The following WDR72 variants were observed in gnomAD, a reference collection of about 807,000 sequenced individuals.
WDR72 encodes the protein WD repeat-containing protein 72.
In WDR72, 120 loss-of-function variants were observed where a neutral mutation model predicts 124.2. The ratio of observed to expected loss-of-function variants is 0.97; its 90% CI spans 0.83 to 1.12. The LOEUF (loss-of-function observed/expected upper bound fraction) is 1.12. Ranked by LOEUF, WDR72 falls within the 50% of genes most tolerant of loss-of-function variation. The pLI is 0.00. For synonymous variants in WDR72, 452 were observed against 441.7 expected, an observed-to-expected ratio of 1.02 and a Z score of -0.29; for missense variants, 1,387 against 1,278.8, an observed-to-expected ratio of 1.08 and a Z score of -1.29.
Position 53,701,559 on chromosome 15 carries a change from T to TCTCTCTCA in WDR72, c.1569+574_1569+575insTGAGAGAG, listed in dbSNP as rs369568228. Among the ~76,000 whole-genome samples the TCTCTCTCA allele has an allele frequency of 3.6e-3, 431 of 120,146 alleles. 7 individuals carry two copies. Among genetic ancestry groups the TCTCTCTCA allele is most frequent in the African/African-American group, 0.01 (351 of 34,532 alleles). The allele number at this position is 120,146 out of a possible 152,430, so 78.8% of individuals were successfully genotyped here. A position where few individuals can be genotyped will look rare whatever the true frequency, so the allele number is the denominator to read the frequency against. On this transcript the variant is annotated intron_variant, in intron 12 of 19. Transcript: ENST00000360509. Reference sequence around the variant, plus strand: ...CTGTCTCTCTCTCTCTCTCTCTCTCTCACACACACACACACACACACACAC... The same window carrying TCTCTCTCA: ...CTGTCTCTCTCTCTCTCTCTCTCTCTCTCTCTCACACACACACACACACACACACACAC...
intron 14 of WDR72, among the ~76,000 whole-genome samples, chr15:53,643,407 AT>A (rs969903302): frequency 1.5e-4 from 22 of 151,658 alleles, no homozygotes; most frequent in Admixed American, 7.2e-4. Flanking sequence ...CGCTATGAGG[AT>A]TTTTTTTTCT....
intron 1 of WDR72, 145 bp downstream of exon 1, chr15:53,759,488 C>A: frequency 6.6e-6 from 1 of 152,402 alleles, no homozygotes; most frequent in East Asian, 1.9e-4. Context: ...CTTTCCCGGC[C>A]CAGCTGTATC....
chr15:53,577,475 TA>T (rs912246321), intron 18 of WDR72, among the ~76,000 whole-genome samples: 5 of 151,948 alleles, frequency 3.3e-5, no homozygotes, highest in Admixed American at 2.6e-4. Flanking sequence ...AAGGCTAATA[TA>T]AAAAAAACTG....
At chr15:53,733,387 T>G (rs1038071523) in intron 1 of WDR72, among the ~76,000 whole-genome samples, 7 of 152,174 alleles carry the variant, frequency 4.6e-5, no homozygotes, top group African/African-American at 1.7e-4. Flanking sequence ...ATCTTCGAAT[T>G]CCTTATTATT....
At chr15:53,692,261 A>G (rs2140505664) in intron 13 of WDR72, among the ~76,000 whole-genome samples, 1 of 152,262 alleles carries the variant, frequency 6.6e-6, no homozygotes, top group South Asian at 2.1e-4. Context: ...TTACACTGAA[A>G]GCTCTTTAAG....
chr15:53,739,317 C>G (rs2018444035), intron 1 of WDR72, among the ~76,000 whole-genome samples: 1 of 152,176 alleles, frequency 6.6e-6, no homozygotes, highest in Non-Finnish European at 1.5e-5. Context: ...AGTCCTGGGA[C>G]CCTTAGTGTA....
At chr15:53,643,952 T>C (rs533843570) in intron 14 of WDR72, among the ~76,000 whole-genome samples, 12 of 152,278 alleles carry the variant, frequency 7.9e-5, no homozygotes, top group African/African-American at 1.7e-4. Context: ...GTAACATACA[T>C]ACTTTTTATA....
intron 3 of WDR72, 80 bp downstream of exon 3, chr15:53,722,722 G>T: frequency 8.1e-7 from 1 of 1,235,458 alleles, no homozygotes; most frequent in Non-Finnish European, 1.2e-6. Context: ...GTTTCCTTCA[G>T]CCCTAAAATT....
At chr15:53,546,720 T>G (rs928578058) in intron 18 of WDR72, among the ~76,000 whole-genome samples, 1 of 146,264 alleles carries the variant, frequency 6.8e-6, no homozygotes, top group African/African-American at 2.4e-5. Context: ...AACAAAATAA[T>G]CAATAAAACA....
Position 53,515,700 on chromosome 15 carries a change from T to C in WDR72, c.*1999A>G, listed in dbSNP as rs1226814897. ...CTTAGTAATGTCAGGGTTGTGCCAGTTCTAATTTCCCATAGCTAGTAACAT... is the reference window on the plus strand; with the variant it reads ...CTTAGTAATGTCAGGGTTGTGCCAGCTCTAATTTCCCATAGCTAGTAACAT... On this transcript the variant is annotated 3_prime_UTR_variant, in exon 20 of 20. Transcript: ENST00000360509. 1 of 152,134 alleles carries C rather than the reference T, an allele frequency of 6.6e-6. No homozygotes were observed. The highest frequency in any genetic ancestry group is 1.5e-5 in the Non-Finnish European group (1 of 68,020). The allele number at this position is 152,134 out of a possible 1,614,324, so 9.4% of individuals were successfully genotyped here.
At chr15:53,665,487 T>G in intron 14 of WDR72, 85 bp downstream of exon 14, 1 of 1,460,966 alleles carries the variant, frequency 6.8e-7, no homozygotes, top group Admixed American at 1.7e-5. Flanking sequence ...ATGCTGATAC[T>G]TAAGTGCCAT....
intron 17 of WDR72, among the ~76,000 whole-genome samples, chr15:53,602,856 C>G (rs1259893141): frequency 6.6e-6 from 1 of 151,842 alleles, no homozygotes; most frequent in African/African-American, 2.4e-5. Flanking sequence ...AGCTTACCAA[C>G]CGAAAAAAGC....
At chr15:53,533,870 C>A (rs1203226392) in intron 18 of WDR72, among the ~76,000 whole-genome samples, 1 of 152,196 alleles carries the variant, frequency 6.6e-6, no homozygotes, top group Non-Finnish European at 1.5e-5. Flanking sequence ...CTTCATCAAT[C>A]TGTCAGTTAA....
intron 18 of WDR72, among the ~76,000 whole-genome samples, chr15:53,577,125 C>T (rs2414245): frequency 0.95 from 144,283 of 152,184 alleles, 68,562 homozygotes; most frequent in East Asian, 1. Flanking sequence ...GGGTGTGCTA[C>T]CTGTTCGTAT....
At chr15:53,739,236 A>T (rs2018441007) in intron 1 of WDR72, among the ~76,000 whole-genome samples, 1 of 152,224 alleles carries the variant, frequency 6.6e-6, no homozygotes, top group African/African-American at 2.4e-5. Flanking sequence ...GCATCAAAAA[A>T]AAGTGAATCG....
At chr15:53,571,162 G>A (rs971486568) in intron 18 of WDR72, among the ~76,000 whole-genome samples, 1 of 152,006 alleles carries the variant, frequency 6.6e-6, no homozygotes, top group South Asian at 2.1e-4. Flanking sequence ...GGGAAAGAGG[G>A]GAGAAAGTGT....
At chr15:53,690,169 A>G (rs1432176895) in intron 13 of WDR72, among the ~76,000 whole-genome samples, 1 of 151,986 alleles carries the variant, frequency 6.6e-6, no homozygotes, top group Non-Finnish European at 1.5e-5. Flanking sequence ...ATACATATGT[A>G]ACTAACCTGC....
intron 14 of WDR72, among the ~76,000 whole-genome samples, chr15:53,641,143 G>T (rs369618291): frequency 6.6e-6 from 1 of 151,774 alleles, no homozygotes; most frequent in Non-Finnish European, 1.5e-5. Flanking sequence ...TTTGTGAAAG[G>T]TAGAGAGTTG....
At chr15:53,652,660 C>T (rs1224778687) in intron 14 of WDR72, among the ~76,000 whole-genome samples, 1 of 152,102 alleles carries the variant, frequency 6.6e-6, no homozygotes, top group Non-Finnish European at 1.5e-5. Flanking sequence ...TGATATACAA[C>T]GCAATCCTCA....
Sources: gnomAD v4.1 joint callset for allele counts (sites outside exome capture counted in the v4.1 genomes callset) on GRCh38, gnomAD v4.1.1 for gene constraint, MANE v1.5 for transcripts, NCBI Gene and HGNC (gene_info 2026-07-23, HGNC 2026-07-21) for gene names.